DPP10: variants seen among roughly 807,000 people sequenced by gnomAD.
DPP10 encodes dipeptidyl peptidase like 10, also known as inactive dipeptidyl peptidase 10.
A neutral mutation model predicts 120.9 loss-of-function variants in DPP10; 33 were observed. The ratio of observed to expected loss-of-function variants is 0.27; its 90% confidence interval spans 0.21 to 0.37. The LOEUF is 0.37. Among genes scored for constraint, DPP10 ranks in the 10% least tolerant of loss-of-function variants. The pLI, the probability that DPP10 is intolerant of heterozygous loss-of-function variation, is 1.00. For missense variants in DPP10, 816 were observed against 942.8 expected (o/e 0.87, Z 1.76); for synonymous variants, 337 against 326.1 (o/e 1.03, Z -0.36).
chr2:115,488,816 C>A (rs1403500942), intron 3 of DPP10, among the ~76,000 whole-genome samples: 14 of 128,668 alleles, frequency 1.1e-4, no homozygotes, highest in Admixed American at 2.5e-4. Flanking sequence ...ACCAGCATGG[C>A]ACATGTATAC....
chr2:115,468,400 A>C, intron 3 of DPP10: 1 of 493,082 alleles, frequency 2.0e-6, no homozygotes, highest in Non-Finnish European at 4.0e-6. Context: ...GCAGCCTTTC[A>C]GGAGCCACAG....
chr2:115,574,395 A>T (rs2081529322), intron 5 of DPP10, among the ~76,000 whole-genome samples: 1 of 152,216 alleles, frequency 6.6e-6, no homozygotes, highest in Non-Finnish European at 1.5e-5. Flanking sequence ...ATCATCTTGT[A>T]GTAAGTTCTC....
At chr2:115,833,638 G>C (rs7569735) in intron 21 of DPP10, among the ~76,000 whole-genome samples, 1 of 151,954 alleles carries the variant, frequency 6.6e-6, no homozygotes, top group Non-Finnish European at 1.5e-5. Flanking sequence ...GACCCTATGT[G>C]ATGGGTCACA....
intron 1 of DPP10, among the ~76,000 whole-genome samples, chr2:114,750,849 TA>T (rs1418899010): frequency 6.6e-6 from 1 of 152,208 alleles, no homozygotes; most frequent in Non-Finnish European, 1.5e-5. Context: ...ATTGGTGGCC[TA>T]AAGCTGAGGA....
At chr2:114,452,361 C>CG (rs35010858) in intron 1 of DPP10, among the ~76,000 whole-genome samples, 51 of 152,004 alleles carry the variant, frequency 3.4e-4, no homozygotes, top group African/African-American at 1.2e-3. Context: ...TCCAAGTGGT[C>CG]GGGGGTGATC....
intron 1 of DPP10, among the ~76,000 whole-genome samples, chr2:114,792,095 C>A (rs767382709): frequency 3.3e-5 from 5 of 151,918 alleles, no homozygotes; most frequent in Admixed American, 6.6e-5. Flanking sequence ...ACCTGTATTG[C>A]GAATTGAGAT....
chr2:114,875,523 G>A (rs568106617), intron 1 of DPP10, among the ~76,000 whole-genome samples: 4 of 152,072 alleles, frequency 2.6e-5, no homozygotes, highest in South Asian at 2.1e-4. Flanking sequence ...TAATAAGTTC[G>A]GCCCAAATTC....
chr2:115,799,185 G>T (rs140282044), intron 19 of DPP10, among the ~76,000 whole-genome samples: 1 of 151,706 alleles, frequency 6.6e-6, no homozygotes, highest in Admixed American at 6.6e-5. Flanking sequence ...CTGTGTCTGC[G>T]CCACTATGAC....
At chr2:115,604,070 C>T (rs1278775958) in intron 5 of DPP10, among the ~76,000 whole-genome samples, 1 of 101,312 alleles carries the variant, frequency 9.9e-6, no homozygotes, top group African/African-American at 3.8e-5. Flanking sequence ...ATAAACCTCC[C>T]TTCTAGCTGT....
chr2:114,824,292 G>T (rs1686344154), intron 1 of DPP10, among the ~76,000 whole-genome samples: 1 of 152,172 alleles, frequency 6.6e-6, no homozygotes, highest in African/African-American at 2.4e-5. Flanking sequence ...AAATTACTGA[G>T]ATAATAGTAT....
At chr2:114,480,669 G>C (rs1055002686) in intron 1 of DPP10, among the ~76,000 whole-genome samples, 3 of 135,994 alleles carry the variant, frequency 2.2e-5, no homozygotes, top group African/African-American at 8.3e-5. Context: ...AGAACACATG[G>C]ACACAGGAAG....
intron 1 of DPP10, among the ~76,000 whole-genome samples, chr2:114,988,202 A>G (rs1700541174): frequency 6.6e-6 from 1 of 152,208 alleles, no homozygotes; most frequent in African/African-American, 2.4e-5. Context: ...TTATGTACCC[A>G]AGAGTTCCGG....
chr2:115,788,952 A>G (rs1052069142), intron 17 of DPP10, among the ~76,000 whole-genome samples: 2 of 152,084 alleles, frequency 1.3e-5, no homozygotes, highest in Non-Finnish European at 2.9e-5. Flanking sequence ...CCCTGTCTCT[A>G]CTAAAAATAC....
chr2:115,334,230 G>GTTTTTTTTTTTTTTGT lies in DPP10; in HGVS notation c.176-9573_176-9572insGTTTTTTTTTTTTTTT, dbSNP rs1553554645. 5.5e-4 allele frequency among the ~76,000 whole-genome samples: 31 copies of GTTTTTTTTTTTTTTGT among 56,398 alleles called. 1 individual carries two copies. Among genetic ancestry groups the GTTTTTTTTTTTTTTGT allele is most frequent in the African/African-American group, 1.1e-3 (22 of 20,420 alleles). The allele number at this position is 56,398 out of a possible 152,430, so 37.0% of individuals were successfully genotyped here. A position where few individuals can be genotyped will look rare whatever the true frequency, so the allele number is the denominator to read the frequency against. On this transcript the variant is annotated intron_variant, in intron 2 of 25. Coordinates refer to ENST00000410059, the MANE Select transcript of DPP10 (RefSeq NM_020868.6). ...TCAGGAATGGACCAGAGCAGACTCT[G>GTTTTTTTTTTTTTTGT]TTTTTTTTTTTTTTTTAAGAAACCT...
intron 1 of DPP10, among the ~76,000 whole-genome samples, chr2:114,965,964 CAAAAAAAAAA>C (rs57107624): frequency 2.7e-5 from 2 of 74,808 alleles, no homozygotes; most frequent in Non-Finnish European, 4.8e-5. Context: ...GACTCCTTCT[CAAAAAAAAAA>C]AAAAAAAAAA....
intron 5 of DPP10, among the ~76,000 whole-genome samples, chr2:115,645,249 C>T (rs2087137440): frequency 6.6e-6 from 1 of 152,140 alleles, no homozygotes. Context: ...TACTCTGTTC[C>T]ACTGAGTTTT....
At chr2:114,701,587 C>T (rs1311692164) in intron 1 of DPP10, among the ~76,000 whole-genome samples, 2 of 152,146 alleles carry the variant, frequency 1.3e-5, no homozygotes, top group African/African-American at 4.8e-5. Flanking sequence ...AAGAAGATAA[C>T]TACATTTGCC....
chr2:114,757,115 G>A (rs769435377), intron 1 of DPP10, among the ~76,000 whole-genome samples: 80 of 148,784 alleles, frequency 5.4e-4, no homozygotes, highest in Non-Finnish European at 8.8e-4. Context: ...AGGAAGGGAG[G>A]CAGACAGAAG....
intron 1 of DPP10, among the ~76,000 whole-genome samples, chr2:114,557,522 C>T (rs1381279027): frequency 1.3e-5 from 2 of 152,144 alleles, no homozygotes; most frequent in Non-Finnish European, 2.9e-5. Context: ...CAATCCTCAC[C>T]TCTCCTACTA....
Sources: gnomAD v4.1 joint callset for allele counts (sites outside exome capture counted in the v4.1 genomes callset) on GRCh38, gnomAD v4.1.1 for gene constraint, MANE v1.5 for transcripts, NCBI Gene and HGNC (gene_info 2026-07-23, HGNC 2026-07-21) for gene names.